The following ZFR variants were observed in gnomAD, a reference collection of about 807,000 sequenced individuals.
The protein encoded by ZFR is zinc finger RNA-binding protein.
ZFR carries 19 observed loss-of-function variants against 130.7 expected under a neutral mutation model. That is an observed-to-expected ratio of 0.15 (90% CI 0.10 to 0.21). The LOEUF (loss-of-function observed/expected upper bound fraction) is 0.21. Ranked by LOEUF, ZFR falls within the 10% of genes least tolerant of loss-of-function variation. ZFR has a pLI of 1.00. For missense variants in ZFR, 872 were observed against 1,321.5 expected (o/e 0.66, Z 5.27); for synonymous variants, 466 against 456.9 (o/e 1.02, Z -0.25).
At chr5:32,381,692 T>TAA (rs1314870266) in intron 15 of ZFR, among the ~76,000 whole-genome samples, 2 of 152,156 alleles carry the variant, frequency 1.3e-5, no homozygotes, top group African/African-American at 4.8e-5. Context: ...TTGAAACTGA[T>TAA]AGAGAATTCT....
intron 2 of ZFR, among the ~76,000 whole-genome samples, chr5:32,430,489 T>A (rs1754181492): frequency 6.6e-6 from 1 of 151,976 alleles, no homozygotes; most frequent in Admixed American, 6.6e-5. Context: ...AGTGGTTAAC[T>A]TACATCTAAT....
In ZFR at chr5:32,444,210, G is replaced by A. The variant is rs776349866; in HGVS notation, c.137+19C>T. The stretch of plus-strand genomic sequence containing the variant: ...GGGGAGAGCAAGGGGCGAACAGAGA[G>A]AAGGCAGGATGCCGTTACCTATATT... On this transcript the variant is annotated intron_variant, in intron 2 of 19. Transcript: ENST00000265069. The A allele has an allele frequency of 3.4e-5, 54 of 1,595,634 alleles. No homozygotes were observed. The highest frequency in any genetic ancestry group is 4.4e-5 in the Non-Finnish European group (52 of 1,172,706).
At chr5:32,377,183 G>T (rs191563140) in intron 17 of ZFR, among the ~76,000 whole-genome samples, 2,488 of 147,252 alleles carry the variant, frequency 0.017, 39 homozygotes, top group Non-Finnish European at 0.026. Context: ...AAAAAAAAGT[G>T]GTAACTTTCC....
At chr5:32,406,144 T>C (rs910931421) in intron 6 of ZFR, among the ~76,000 whole-genome samples, 1 of 152,150 alleles carries the variant, frequency 6.6e-6, no homozygotes, top group Non-Finnish European at 1.5e-5. Flanking sequence ...AATCATGTCA[T>C]AATCACCCGT....
chr5:32,431,859 C>T (rs1266516818), intron 2 of ZFR, among the ~76,000 whole-genome samples: 3 of 151,866 alleles, frequency 2.0e-5, no homozygotes, highest in African/African-American at 4.8e-5. Context: ...TTTTTTAACC[C>T]AACAGGGTTT....
intron 17 of ZFR, among the ~76,000 whole-genome samples, chr5:32,374,541 T>A (rs1338898938): frequency 1.3e-5 from 2 of 151,904 alleles, no homozygotes; most frequent in Non-Finnish European, 2.9e-5. Context: ...ATAAATAAAA[T>A]TTGAAGCTAT....
intron 3 of ZFR, 102 bp from the exon 4 acceptor site, chr5:32,417,894 C>T (rs767138990): frequency 1.9e-4 from 204 of 1,082,474 alleles, no homozygotes; most frequent in Non-Finnish European, 2.4e-4. Flanking sequence ...ACACTAAATA[C>T]GTAGTTTCAT....
intron 15 of ZFR, among the ~76,000 whole-genome samples, chr5:32,380,659 T>A (rs991815169): frequency 4.7e-4 from 69 of 145,750 alleles, no homozygotes; most frequent in African/African-American, 1.7e-3. Flanking sequence ...TCTTTTTTTT[T>A]TTTTTTTTTT....
intron 2 of ZFR, among the ~76,000 whole-genome samples, chr5:32,426,097 G>A (rs911875592): frequency 6.6e-6 from 1 of 152,030 alleles, no homozygotes; most frequent in African/African-American, 2.4e-5. Flanking sequence ...AGTAAAATAA[G>A]GTTTATAATT....
At chr5:32,419,635 GC>G (rs71598939) in intron 3 of ZFR, among the ~76,000 whole-genome samples, 185 bp downstream of exon 3, 1 of 152,196 alleles carries the variant, frequency 6.6e-6, no homozygotes, top group Non-Finnish European at 1.5e-5. Context: ...ACCGCGCCCA[GC>G]CGGCAAGGAA....
intron 14 of ZFR, among the ~76,000 whole-genome samples, chr5:32,386,800 T>G (rs1240233128): frequency 6.6e-6 from 1 of 152,194 alleles, no homozygotes; most frequent in Non-Finnish European, 1.5e-5. Context: ...GGTACTGTTC[T>G]AATTCACTAC....
At chr5:32,439,804 T>TA (rs11446399) in intron 2 of ZFR, among the ~76,000 whole-genome samples, 34,787 of 71,852 alleles carry the variant, frequency 0.48, 8,736 homozygotes, top group Non-Finnish European at 0.56. Context: ...ACCATGTCTT[T>TA]AAAAAAAAAA....
At chr5:32,413,596 AG>A (rs1450133877) in intron 5 of ZFR, among the ~76,000 whole-genome samples, 1 of 152,160 alleles carries the variant, frequency 6.6e-6, no homozygotes, top group Non-Finnish European at 1.5e-5. Context: ...AAGGAAAGGA[AG>A]CACATATAAG....
rs1446908793 is a variant in ZFR, at chr5:32,363,911, T to C, written c.3045+37A>G. On this transcript the variant is annotated intron_variant, in intron 19 of 19. Transcript: ENST00000265069. ...ACAGAAAAATAAAACCTTAATGGAG[T>C]AACCCAATAGGGCTCTGAATTTAGG... is the stretch of plus-strand genomic sequence containing the variant. 11 of 1,546,922 alleles carry C rather than the reference T, an allele frequency of 7.1e-6. No individual in the cohort carries two copies. The South Asian group carries it at 1.3e-4, about 18-fold the overall frequency.
In ZFR at chr5:32,406,892, C is replaced by CCTTTACTAAAG. The variant is rs1423587405; in HGVS notation, c.913_914insCTTTAGTAAAG (p.Gly305AlafsTer19). The CCTTTACTAAAG allele has an allele frequency of 6.2e-7, 1 of 1,613,448 alleles. No individual in the cohort carries two copies. Among genetic ancestry groups the CCTTTACTAAAG allele is most frequent in the Non-Finnish European group, 8.5e-7 (1 of 1,179,942 alleles). On this transcript the variant is annotated frameshift_variant, in exon 6 of 20. Coordinates refer to ENST00000265069, the MANE Select transcript of ZFR (RefSeq NM_016107.5). LOFTEE classifies it high-confidence loss of function. ...TGGTGCTTTTTTAGTAAAGGTGGTC[C>CCTTTACTAAAG]CTGTCCAGGCAGCTGTTGCAGCAGC...
chr5:32,363,085 C>A (rs1752470677), intron 19 of ZFR, among the ~76,000 whole-genome samples: 2 of 152,164 alleles, frequency 1.3e-5, no homozygotes, highest in Admixed American at 6.5e-5. Flanking sequence ...TCCCCCAATA[C>A]CATTTCTGGC....
rs369115481 is a variant in ZFR, at chr5:32,377,422, C to T, written c.2835+1693G>A. ...GTCTTGATCTTCTGACCTTGTGATC[C>T]ACCCGCCTCGGCCTCCCAAAGTGCT... is the stretch of plus-strand genomic sequence containing the variant. On this transcript the variant is annotated intron_variant, in intron 17 of 19. Transcript: ENST00000265069. 5.9e-5 allele frequency among the ~76,000 whole-genome samples: 9 copies of T among 151,400 alleles called. No homozygotes were observed. The East Asian group carries it at 1.4e-3, about 24-fold the overall frequency.
chr5:32,409,470 A>G (rs1213389843), intron 5 of ZFR, among the ~76,000 whole-genome samples: 2 of 150,862 alleles, frequency 1.3e-5, no homozygotes, highest in Non-Finnish European at 3.0e-5. Flanking sequence ...CAGTGGCGCA[A>G]TCTCGACTCA....
At chr5:32,432,711 T>C (rs1033167632) in intron 2 of ZFR, among the ~76,000 whole-genome samples, 4 of 152,086 alleles carry the variant, frequency 2.6e-5, no homozygotes, top group Non-Finnish European at 4.4e-5. Flanking sequence ...TACCATAGAT[T>C]TTAGAAGAAA....
Sources: gnomAD v4.1 joint callset for allele counts (sites outside exome capture counted in the v4.1 genomes callset) on GRCh38, gnomAD v4.1.1 for gene constraint, MANE v1.5 for transcripts, NCBI Gene and HGNC (gene_info 2026-07-23, HGNC 2026-07-21) for gene names.